The following FLCN variants were observed in gnomAD, a reference collection of about 807,000 sequenced individuals.
The protein encoded by FLCN is BHD skin lesion fibrofolliculoma protein.
Under a neutral mutation model 62.5 loss-of-function variants are expected in FLCN, and 22 were observed. The observed-to-expected ratio is 0.35, with a 90% CI of 0.25 to 0.50. FLCN has a LOEUF of 0.50. Among genes scored for constraint, FLCN ranks in the 20% least tolerant of loss-of-function variants. The probability of loss-of-function intolerance (pLI) is 0.97; values close to 1 mark genes in which losing one functional copy is unlikely to be tolerated. For missense variants in FLCN, 657 were observed against 778.0 expected (o/e 0.84, Z 1.85); for synonymous variants, 319 against 310.0 (o/e 1.03, Z -0.30).
chr17:17,214,925 A>G (rs1197516820), intron 13 of FLCN, 60 bp downstream of exon 13: 2 of 1,567,716 alleles, frequency 1.3e-6, no homozygotes, highest in African/African-American at 1.4e-5. Context: ...TCTTTTGGAA[A>G]CAGCTCCAGG....
At chr17:17,222,415 G>C in intron 7 of FLCN, 86 bp downstream of exon 7, 1 of 1,586,856 alleles carries the variant, frequency 6.3e-7, no homozygotes, top group Non-Finnish European at 8.6e-7. Context: ...GCTAAGGACT[G>C]TTCTCCCAAA....
At position 17,216,733 on chromosome 17, in the gene FLCN, G is replaced by A. The variant is rs576480436; in HGVS notation, c.1177-230C>T. On this transcript the variant is annotated intron_variant, in intron 10 of 13. Transcript: ENST00000285071. This position sits in a 1 kb window ranked among gnomAD's most constrained non-coding sequence, Gnocchi z 4.0. ...CGCCAGTCACACACCAGCTTGTACCGCCCCTCGCTCTGTGGTGTTAACTCA... is the reference window on the plus strand; with the variant it reads ...CGCCAGTCACACACCAGCTTGTACCACCCCTCGCTCTGTGGTGTTAACTCA... Among the ~76,000 whole-genome samples, 4 of 152,204 alleles carry A rather than the reference G, an allele frequency of 2.6e-5. No individual in the cohort carries two copies. The highest frequency in any genetic ancestry group is 3.9e-4 in the East Asian group (2 of 5,182).
chr17:17,222,767 TC>T, intron 6 of FLCN, 106 bp from the exon 7 acceptor site: 1 of 1,330,212 alleles, frequency 7.5e-7, no homozygotes, highest in Non-Finnish European at 1.1e-6. Flanking sequence ...GGAGGATCAG[TC>T]CCACTATACT....
intron 2 of FLCN, 64 bp from the exon 3 acceptor site, chr17:17,231,946 G>A (rs1479047220): frequency 1.3e-5 from 2 of 153,460 alleles, no homozygotes; most frequent in Non-Finnish European, 2.9e-5. Flanking sequence ...GGCTGGCAGT[G>A]AGGCAGGTGT....
intron 6 of FLCN, 24 bp downstream of exon 6, chr17:17,223,898 C>T (rs1485738605): frequency 1.9e-6 from 3 of 1,612,706 alleles, no homozygotes; most frequent in Non-Finnish European, 2.5e-6. Flanking sequence ...CCCTGCCGCC[C>T]CGGCACCTCA....
chr17:17,215,763 C>T (rs113520608), intron 11 of FLCN, among the ~76,000 whole-genome samples: 147 of 152,286 alleles, frequency 9.7e-4, no homozygotes, highest in African/African-American at 3.2e-3. Flanking sequence ...CAGGACCCAG[C>T]CTGGGTGCTG....
At chr17:17,221,070 C>T in intron 8 of FLCN, 1 of 1,067,244 alleles carries the variant, frequency 9.4e-7, no homozygotes, top group Non-Finnish European at 1.3e-6. Flanking sequence ...TGCCACGATC[C>T]CCAAACACAG....
chr17:17,213,939 G>C, intron 13 of FLCN, 83 bp from the exon 14 acceptor site: 2 of 1,457,524 alleles, frequency 1.4e-6, no homozygotes, highest in East Asian at 2.3e-5. Context: ...GGGGTGACAC[G>C]GCTTTGGCAC....
At chr17:17,217,419 C>G (rs1054593727) in intron 9 of FLCN, 2 of 577,562 alleles carry the variant, frequency 3.5e-6, no homozygotes, top group African/African-American at 3.7e-5. Context: ...AGATCTTTCT[C>G]CCAGTTTTGT....
rs1555607929 is a variant in FLCN at position 17,217,068 on chromosome 17, C to G, written c.1176+1G>C. 1 of 1,605,220 alleles carries G rather than the reference C, an allele frequency of 6.2e-7. No homozygotes were observed. Among genetic ancestry groups the G allele is most frequent in the Non-Finnish European group, 8.5e-7 (1 of 1,171,940 alleles). Reference sequence around the variant, plus strand: ...CACACCTAAGGAAAAGATGTTCTCACCCGAAGTACTTCAAAAGCTGACTGG... The same window carrying G: ...CACACCTAAGGAAAAGATGTTCTCAGCCGAAGTACTTCAAAAGCTGACTGG... On this transcript the variant is annotated splice_donor_variant, in intron 10 of 13. Coordinates refer to ENST00000285071, the MANE Select transcript of FLCN (RefSeq NM_144997.7). LOFTEE classifies it high-confidence loss of function.
chr17:17,217,056 A>G lies in FLCN; in HGVS notation c.1176+13T>C. The G allele has an allele frequency of 6.3e-7, 1 of 1,587,508 alleles. No individual in the cohort carries two copies. Among genetic ancestry groups the G allele is most frequent in the South Asian group, 1.1e-5 (1 of 90,502 alleles). The stretch of plus-strand genomic sequence containing the variant: ...TGCCCTGCGCCGCACACCTAAGGAA[A>G]AGATGTTCTCACCCGAAGTACTTCA... On this transcript the variant is annotated intron_variant, in intron 10 of 13. Coordinates refer to ENST00000285071, the MANE Select transcript of FLCN (RefSeq NM_144997.7).
At chr17:17,221,760 C>A in intron 7 of FLCN, 132 bp from the exon 8 acceptor site, 1 of 939,890 alleles carries the variant, frequency 1.1e-6, no homozygotes, top group South Asian at 1.4e-5. Context: ...CACAACCAGC[C>A]AGATCCCGCA....
intron 8 of FLCN, chr17:17,221,251 A>G: frequency 6.5e-7 from 1 of 1,540,518 alleles, no homozygotes; most frequent in Non-Finnish European, 8.7e-7. Flanking sequence ...TCGGGACGAG[A>G]AGCCTTTAAT....
intron 8 of FLCN, chr17:17,221,245 G>A: frequency 6.5e-7 from 1 of 1,538,406 alleles, no homozygotes; most frequent in East Asian, 2.4e-5. Context: ...ACAAAATCGG[G>A]ACGAGAAGCC....
intron 6 of FLCN, chr17:17,223,117 G>T: frequency 3.3e-6 from 1 of 300,770 alleles, no homozygotes; most frequent in Non-Finnish European, 6.6e-6. Context: ...TTTTTGAGAT[G>T]GAGTCTCACT....
intron 6 of FLCN, chr17:17,222,893 C>T: frequency 1.7e-6 from 1 of 574,804 alleles, no homozygotes; most frequent in Non-Finnish European, 3.2e-6. Context: ...CTTCTCCTGT[C>T]CCCTTCCTAA....
chr17:17,216,981 A>C lies in FLCN; in HGVS notation c.1176+88T>G. The C allele has an allele frequency of 2.1e-6, 2 of 952,950 alleles. No individual in the cohort carries two copies. The highest frequency in any genetic ancestry group is 1.7e-6 in the Non-Finnish European group (1 of 589,676). The allele number at this position is 952,950 out of a possible 1,614,324, so 59.0% of individuals were successfully genotyped here. ...GGTGCACAGCGGTTCTGTGCTGGGC[A>C]GTCGGTGCACCTTGGCATCCCCACC... is the stretch of plus-strand genomic sequence containing the variant. On this transcript the variant is annotated intron_variant, in intron 10 of 13. Transcript: ENST00000285071. The surrounding 1 kb of genome is among the most constrained non-coding windows in gnomAD (Gnocchi z 4.0).
chr17:17,224,654 GC>G (rs1320340182), intron 5 of FLCN: 5 of 199,838 alleles, frequency 2.5e-5, no homozygotes, highest in Non-Finnish European at 5.2e-5. Flanking sequence ...TCCTGCCTCA[GC>G]CTCCTGAGTA....
In FLCN at chr17:17,223,976, G is replaced by A. The variant is rs1597606543; in HGVS notation, c.564C>T (p.Phe188=). Residue 188 remains phenylalanine (F), a synonymous_variant, in exon 6 of 14, where the codon TTC becomes TTT. Coordinates refer to ENST00000285071, the MANE Select transcript of FLCN (RefSeq NM_144997.7). ...DRIYLINSWP[F]LLGKVRGIID... is the part of the protein sequence containing the mutation. ...TGATTCCCCGGACCTTCCCCAGCAGGAAGGGCCAGGAGTTGATGAGGTAGA... is the reference window on the plus strand; with the variant it reads ...TGATTCCCCGGACCTTCCCCAGCAGAAAGGGCCAGGAGTTGATGAGGTAGA... The A allele has an allele frequency of 1.2e-6, 2 of 1,613,610 alleles. No homozygotes were observed. Among genetic ancestry groups the A allele is most frequent in the Middle Eastern group, 1.6e-4 (1 of 6,062 alleles).
Sources: gnomAD v4.1 joint callset for allele counts (sites outside exome capture counted in the v4.1 genomes callset) on GRCh38, gnomAD v4.1.1 for gene constraint, Gnocchi (gnomAD v3.1) non-coding constraint, MANE v1.5 for transcripts, NCBI Gene and HGNC (gene_info 2026-07-23, HGNC 2026-07-21) for gene names.